The following SNX13 variants were observed in gnomAD, a reference collection of about 807,000 sequenced individuals.
The protein encoded by SNX13 is sorting nexin-13.
Under a neutral mutation model 133.6 loss-of-function variants are expected in SNX13, and 45 were observed. The observed-to-expected ratio is 0.34, with a 90% CI of 0.27 to 0.43. The LOEUF (loss-of-function observed/expected upper bound fraction) is 0.43, where lower values mean the gene tolerates loss of function less well. SNX13 is among the 20% of genes least tolerant of loss of function. The pLI is 1.00. For missense variants in SNX13, 1,032 were observed against 1,145.1 expected, an observed-to-expected ratio of 0.90 and a Z score of 1.43; for synonymous variants, 414 against 373.9, an observed-to-expected ratio of 1.11 and a Z score of -1.24.
chr7:17,826,613 C>T (rs1787939663), intron 16 of SNX13, among the ~76,000 whole-genome samples: 1 of 151,820 alleles, frequency 6.6e-6, no homozygotes, highest in Non-Finnish European at 1.5e-5. Context: ...TAGAAAACTG[C>T]CTAATATAAC....
In SNX13 at chr7:17,816,891, A is replaced by G. The variant is rs193271107; in HGVS notation, c.1846-602T>C. Among the ~76,000 whole-genome samples, 8 of 152,358 alleles carry G rather than the reference A, an allele frequency of 5.3e-5. No homozygotes were observed. The East Asian group carries it at 1.3e-3, about 26-fold the overall frequency. On this transcript the variant is annotated intron_variant, in intron 18 of 25. Transcript: ENST00000428135. ...TCATTTAATATTCTCCCTAATATTG[A>G]CATTGTTCAAAAATTTCATAATAAA...
rs564417651 is a variant in SNX13 at position 17,884,603 on chromosome 7, C to T, written c.440+5760G>A. Among the ~76,000 whole-genome samples, 4 of 152,290 alleles carry T rather than the reference C, an allele frequency of 2.6e-5. No individual in the cohort carries two copies. The East Asian group carries it at 7.7e-4, about 29-fold the overall frequency. ...TTGTTAATAGAGTTCCCACTTGTGA[C>T]TTCCATGTTTTTTCCACACATTTTA... On this transcript the variant is annotated intron_variant, in intron 5 of 25. Coordinates refer to ENST00000428135, the MANE Select transcript of SNX13 (RefSeq NM_015132.5).
chr7:17,916,281 A>C (rs541150204), intron 1 of SNX13, among the ~76,000 whole-genome samples: 1 of 152,284 alleles, frequency 6.6e-6, no homozygotes, highest in East Asian at 1.9e-4. Context: ...TAAACTCATA[A>C]ACTAGAAGAA....
intron 15 of SNX13, 171 bp from the exon 16 acceptor site, chr7:17,830,218 G>C: frequency 1.1e-6 from 1 of 945,190 alleles, no homozygotes; most frequent in Non-Finnish European, 1.2e-6. Flanking sequence ...ATCCCTTAAA[G>C]TCCCATGGTT....
chr7:17,930,151 T>C (rs185109126), intron 1 of SNX13, among the ~76,000 whole-genome samples: 64 of 64,682 alleles, frequency 9.9e-4, no homozygotes, highest in Admixed American at 9.3e-3. Context: ...TAAAGATTTA[T>C]TGTTACTGTA....
chr7:17,805,262 C>CGCGT (rs1785150509), intron 20 of SNX13, among the ~76,000 whole-genome samples: 4 of 115,946 alleles, frequency 3.4e-5, no homozygotes, highest in African/African-American at 1.5e-4. Context: ...CGTGCGCGCG[C>CGCGT]GCGCATGCAT....
At chr7:17,862,995 C>T (rs1268216260) in intron 9 of SNX13, among the ~76,000 whole-genome samples, 1 of 152,146 alleles carries the variant, frequency 6.6e-6, no homozygotes, top group Non-Finnish European at 1.5e-5. Context: ...CAACCCTGGA[C>T]AGCACAGCAC....
chr7:17,834,242 A>G lies in SNX13; in HGVS notation c.1465-58T>C, dbSNP rs532677454. On this transcript the variant is annotated intron_variant, in intron 14 of 25. Coordinates refer to ENST00000428135, the MANE Select transcript of SNX13 (RefSeq NM_015132.5). ...AATACAGGTGTGTGGTGATTTTTAC[A>G]AAACACAATTTCACCAAAAGACACA... 3 of 1,413,184 alleles carry G rather than the reference A, an allele frequency of 2.1e-6. No homozygotes were observed. The African/African-American group carries it at 4.3e-5, about 20-fold the overall frequency. 87.5% of individuals were successfully genotyped at this position (1,413,184 alleles called of 1,614,324 possible).
At chr7:17,819,304 A>T (rs750646135) in intron 18 of SNX13, among the ~76,000 whole-genome samples, 16 of 151,974 alleles carry the variant, frequency 1.1e-4, no homozygotes, top group Non-Finnish European at 2.1e-4. Flanking sequence ...TGGAGTGCTG[A>T]GATCTCAGCT....
Position 17,793,054 on chromosome 7 carries a change from G to T in SNX13, c.*991C>A, listed in dbSNP as rs1247224801. The T allele has an allele frequency of 6.6e-6, 1 of 151,806 alleles. No individual in the cohort carries two copies. Among genetic ancestry groups the T allele is most frequent in the East Asian group, 1.9e-4 (1 of 5,176 alleles). The allele number at this position is 151,806 out of a possible 1,614,324, so 9.4% of individuals were successfully genotyped here. On this transcript the variant is annotated 3_prime_UTR_variant, in exon 26 of 26. Transcript: ENST00000428135. ...AATTAGGAATCTGTATGTTTACTAT[G>T]ACTAATAAGCTCATTAATCATTTAA...
At chr7:17,893,964 T>A (rs1279733556) in intron 2 of SNX13, among the ~76,000 whole-genome samples, 9 of 117,914 alleles carry the variant, frequency 7.6e-5, no homozygotes, top group Non-Finnish European at 1.4e-4. Flanking sequence ...AGATCAAGAC[T>A]GTCTCGAAAA....
chr7:17,873,185 G>C (rs1222771407), intron 8 of SNX13, among the ~76,000 whole-genome samples: 4 of 152,142 alleles, frequency 2.6e-5, no homozygotes, highest in Admixed American at 6.6e-5. Flanking sequence ...CGAAGCTTGG[G>C]TTTCAGGTGA....
At chr7:17,858,010 G>A (rs1792134923) in intron 9 of SNX13, among the ~76,000 whole-genome samples, 1 of 152,004 alleles carries the variant, frequency 6.6e-6, no homozygotes, top group African/African-American at 2.4e-5. Flanking sequence ...AAAATATTAG[G>A]TATAGAAGGA....
At chr7:17,892,103 TC>T (rs1796688280) in intron 3 of SNX13, among the ~76,000 whole-genome samples, 1 of 151,994 alleles carries the variant, frequency 6.6e-6, no homozygotes, top group African/African-American at 2.4e-5. Context: ...TTTTTTGTGT[TC>T]AGAAAGATCA....
chr7:17,829,944 T>C (rs79854468), intron 16 of SNX13, 66 bp downstream of exon 16: 12,908 of 1,167,024 alleles, frequency 0.011, 108 homozygotes, highest in Non-Finnish European at 0.014. Context: ...TATTTATATA[T>C]GTTAAGGCTC....
At chr7:17,878,134 A>G (rs187137167) in intron 5 of SNX13, among the ~76,000 whole-genome samples, 130 of 152,272 alleles carry the variant, frequency 8.5e-4, no homozygotes, top group Admixed American at 1.6e-3. Flanking sequence ...CATTTACTAC[A>G]TAGCTTTCTA....
intron 5 of SNX13, chr7:17,880,472 C>T (rs539188900): frequency 6.6e-5 from 10 of 152,280 alleles, no homozygotes; most frequent in African/African-American, 1.7e-4. Flanking sequence ...TTTATTTCAA[C>T]GTGTTTGATT....
At chr7:17,842,295 A>G (rs953092403) in intron 12 of SNX13, among the ~76,000 whole-genome samples, 1 of 152,100 alleles carries the variant, frequency 6.6e-6, no homozygotes, top group African/African-American at 2.4e-5. Flanking sequence ...GGAGGCTAGA[A>G]GGTGATGGAG....
chr7:17,846,015 A>G (rs933794917), intron 11 of SNX13, among the ~76,000 whole-genome samples: 2 of 152,188 alleles, frequency 1.3e-5, no homozygotes, highest in African/African-American at 4.8e-5. Flanking sequence ...CCAAAGGCTA[A>G]AAGGGTGAAG....
Sources: allele counts gnomAD v4.1 joint callset (sites outside exome capture counted in the v4.1 genomes callset), GRCh38; gene constraint gnomAD v4.1.1; transcripts MANE v1.5; gene names NCBI Gene and HGNC (gene_info 2026-07-23, HGNC 2026-07-21).